The following NUBPL variants were observed in gnomAD, a reference collection of about 807,000 sequenced individuals.
NUBPL encodes the protein NUBP iron-sulfur cluster assembly factor, mitochondrial.
NUBPL carries 31 observed loss-of-function variants against 45.7 expected under a neutral mutation model. The observed-to-expected ratio is 0.68, with a 90% CI of 0.51 to 0.92. NUBPL has a LOEUF of 0.92. Ranked by LOEUF, NUBPL falls within the 40% of genes least tolerant of loss-of-function variation. NUBPL has a pLI of 0.00. For synonymous variants in NUBPL, 144 were observed against 140.9 expected (o/e 1.02, Z -0.15); for missense variants, 401 against 398.7 (o/e 1.01, Z -0.05).
At chr14:31,609,886 T>C (rs960070245) in intron 4 of NUBPL, among the ~76,000 whole-genome samples, 2 of 151,928 alleles carry the variant, frequency 1.3e-5, no homozygotes, top group Non-Finnish European at 2.9e-5. Context: ...AATGGAGATA[T>C]AACATACCAA....
At chr14:31,680,720 C>T (rs942326824) in intron 6 of NUBPL, among the ~76,000 whole-genome samples, 1 of 152,052 alleles carries the variant, frequency 6.6e-6, no homozygotes, top group Non-Finnish European at 1.5e-5. Flanking sequence ...TACACTCAGC[C>T]TCCCTTTAAA....
At chr14:31,565,076 T>C (rs1290444245) in intron 3 of NUBPL, 28 bp downstream of exon 3, 29 of 1,384,628 alleles carry the variant, frequency 2.1e-5, no homozygotes, top group Non-Finnish European at 2.3e-5. Flanking sequence ...GAAATATTAA[T>C]TTATTAAAAT....
chr14:31,800,083 G>A (rs899912104), intron 7 of NUBPL, among the ~76,000 whole-genome samples: 2 of 151,700 alleles, frequency 1.3e-5, no homozygotes, highest in Non-Finnish European at 2.9e-5. Context: ...AATTCATAAG[G>A]AGCAATTCCT....
At chr14:31,759,443 C>G (rs1054520415) in intron 6 of NUBPL, among the ~76,000 whole-genome samples, 1 of 151,846 alleles carries the variant, frequency 6.6e-6, no homozygotes, top group Non-Finnish European at 1.5e-5. Flanking sequence ...TTTTACTTGA[C>G]AAATATTGTA....
At chr14:31,658,750 G>T (rs1185520872) in intron 4 of NUBPL, among the ~76,000 whole-genome samples, 2 of 152,098 alleles carry the variant, frequency 1.3e-5, no homozygotes, top group Middle Eastern at 3.2e-3. Context: ...GACCTCAAGT[G>T]ATCCACCTGC....
intron 4 of NUBPL, among the ~76,000 whole-genome samples, chr14:31,615,646 A>G (rs781510571): frequency 4.6e-5 from 7 of 152,210 alleles, no homozygotes; most frequent in African/African-American, 9.7e-5. Context: ...TTATGGCTGC[A>G]TAATATTTCA....
chr14:31,765,195 A>G (rs2038889502), intron 6 of NUBPL, among the ~76,000 whole-genome samples: 1 of 152,184 alleles, frequency 6.6e-6, no homozygotes, highest in South Asian at 2.1e-4. Context: ...GTCCTTTGTT[A>G]TTTTAAAATT....
At chr14:31,772,047 A>G (rs1383755664) in intron 6 of NUBPL, 3 of 169,254 alleles carry the variant, frequency 1.8e-5, no homozygotes, top group African/African-American at 4.8e-5. Context: ...TGACAGCTAT[A>G]CTCCTGTCCC....
chr14:31,648,287 A>G (rs927645564), intron 4 of NUBPL, among the ~76,000 whole-genome samples: 14 of 152,186 alleles, frequency 9.2e-5, no homozygotes, highest in African/African-American at 2.9e-4. Flanking sequence ...AAAAGTATGT[A>G]TGATATATTG....
At chr14:31,702,004 C>T (rs1314801697) in intron 6 of NUBPL, among the ~76,000 whole-genome samples, 3 of 152,206 alleles carry the variant, frequency 2.0e-5, no homozygotes, top group African/African-American at 7.2e-5. Context: ...TTACTTTTGA[C>T]ATTGACTGCA....
chr14:31,750,403 G>A (rs1034278129), intron 6 of NUBPL, among the ~76,000 whole-genome samples: 8 of 148,978 alleles, frequency 5.4e-5, no homozygotes, highest in Non-Finnish European at 1.0e-4. Flanking sequence ...TAGAGACGGG[G>A]TTTCACCGTG....
At chr14:31,640,019 C>G (rs754499906) in intron 4 of NUBPL, among the ~76,000 whole-genome samples, 8 of 152,206 alleles carry the variant, frequency 5.3e-5, no homozygotes, top group East Asian at 1.9e-4. Flanking sequence ...AGGGAACTCC[C>G]TGACCCGTTG....
At chr14:31,587,671 T>C (rs149356126) in intron 3 of NUBPL, among the ~76,000 whole-genome samples, 1,619 of 152,316 alleles carry the variant, frequency 0.011, 24 homozygotes, top group African/African-American at 0.037. Flanking sequence ...GTCTGTACTC[T>C]ATTATCTATA....
intron 6 of NUBPL, chr14:31,686,556 A>G (rs2036956408): frequency 6.6e-6 from 1 of 152,378 alleles, no homozygotes; most frequent in Admixed American, 6.5e-5. Context: ...CAAGGATCAA[A>G]GTATCACACA....
intron 4 of NUBPL, among the ~76,000 whole-genome samples, chr14:31,601,104 T>C (rs181718135): frequency 9.8e-5 from 15 of 152,334 alleles, no homozygotes; most frequent in Non-Finnish European, 1.5e-5. Context: ...TTCTGTTCCA[T>C]TGATCTATAT....
chr14:31,676,595 C>T (rs996857997), intron 6 of NUBPL, among the ~76,000 whole-genome samples: 2 of 151,754 alleles, frequency 1.3e-5, no homozygotes, highest in East Asian at 3.9e-4. Context: ...TTGTCAGTCT[C>T]GTTACTTTTA....
chr14:31,642,686 T>C (rs140740154), intron 4 of NUBPL, among the ~76,000 whole-genome samples: 44 of 152,304 alleles, frequency 2.9e-4, no homozygotes, highest in African/African-American at 1.1e-3. Context: ...TGTGGTTCTG[T>C]ATACATTTTT....
intron 6 of NUBPL, among the ~76,000 whole-genome samples, chr14:31,707,662 T>C (rs894473248): frequency 6.6e-6 from 1 of 152,148 alleles, no homozygotes; most frequent in African/African-American, 2.4e-5. Flanking sequence ...TGTTCCTTGC[T>C]GAGGGCCCTG....
rs1276534073 is a variant in NUBPL, at chr14:31,673,499, T to C, written c.438T>C (p.Phe146=). Reference sequence around the variant, plus strand: ...ACTGTTGCAGTATGTCTATGGGCTTTCTGGTTGAAGAAAGTGAACCAGTAG... The same window carrying C: ...ACTGTTGCAGTATGTCTATGGGCTTCCTGGTTGAAGAAAGTGAACCAGTAG... The part of the protein sequence containing the change: ...NYGIACMSMG[F]LVEESEPVVW... Residue 146 remains phenylalanine, a synonymous_variant, in exon 6 of 11, where the codon TTT becomes TTC. Coordinates refer to ENST00000281081, the MANE Select transcript of NUBPL (RefSeq NM_025152.3). The C allele has an allele frequency of 6.2e-7, 1 of 1,613,812 alleles. No individual in the cohort carries two copies. The highest frequency in any genetic ancestry group is 1.3e-5 in the African/African-American group (1 of 74,936).
Sources: allele counts gnomAD v4.1 joint callset (sites outside exome capture counted in the v4.1 genomes callset), GRCh38; gene constraint gnomAD v4.1.1; transcripts MANE v1.5; gene names NCBI Gene and HGNC (gene_info 2026-07-23, HGNC 2026-07-21).